The following EMILIN2 variants were observed in gnomAD, a reference collection of about 807,000 sequenced individuals.
The protein encoded by EMILIN2 is EMILIN-2.
Under a neutral mutation model 87.1 loss-of-function variants are expected in EMILIN2, and 71 were observed. The observed-to-expected ratio is 0.82, with a 90% confidence interval of 0.67 to 0.99. The LOEUF is 0.99. Among genes scored for constraint, EMILIN2 ranks in the 50% least tolerant of loss-of-function variants. EMILIN2 has a pLI of 0.00. For synonymous variants in EMILIN2, 581 were observed against 563.4 expected (o/e 1.03, Z -0.44); for missense variants, 1,407 against 1,371.8 (o/e 1.03, Z -0.40).
chr18:2,872,825 C>G (rs140731265), intron 2 of EMILIN2, among the ~76,000 whole-genome samples: 1 of 149,558 alleles, frequency 6.7e-6, no homozygotes, highest in African/African-American at 2.5e-5. Flanking sequence ...ATACTAAACA[C>G]ATAGGGAATT....
chr18:2,901,022 A>T (rs1314667358), intron 4 of EMILIN2, among the ~76,000 whole-genome samples: 3 of 152,244 alleles, frequency 2.0e-5, no homozygotes, highest in African/African-American at 7.2e-5. Context: ...ACAGTGTTTT[A>T]CAAATAGCGG....
At chr18:2,896,279 G>A (rs8098364) in intron 4 of EMILIN2, among the ~76,000 whole-genome samples, 44,859 of 151,784 alleles carry the variant, frequency 0.3, 7,369 homozygotes, top group African/African-American at 0.43. Flanking sequence ...GGGTTCAAGC[G>A]ATTCTCCTGC....
intron 4 of EMILIN2, among the ~76,000 whole-genome samples, chr18:2,893,289 C>T (rs75897721): frequency 0.015 from 2,234 of 152,200 alleles, 25 homozygotes; most frequent in South Asian, 0.023. Flanking sequence ...CTCCTACGTA[C>T]CTCTCTTCAA....
intron 2 of EMILIN2, among the ~76,000 whole-genome samples, chr18:2,864,811 T>C (rs1232717959): frequency 1.3e-5 from 2 of 152,186 alleles, no homozygotes; most frequent in Non-Finnish European, 2.9e-5. Context: ...CTGCAGAGTG[T>C]TTTCCAACTT....
At chr18:2,847,001 G>T, upstream of EMILIN2, 5 of 1,034,806 alleles carry the variant, frequency 4.8e-6, no homozygotes, top group Non-Finnish European at 5.8e-6. This position sits in a 1 kb window ranked among gnomAD's most constrained non-coding sequence, Gnocchi z 4.5. Context: ...GGCGCACGGG[G>T]CTGCAGAAGG....
At chr18:2,889,571 A>T (rs2076822666) in intron 3 of EMILIN2, among the ~76,000 whole-genome samples, 1 of 151,530 alleles carries the variant, frequency 6.6e-6, no homozygotes, top group South Asian at 2.1e-4. Context: ...ACTCATCACT[A>T]TCATTCCCCC....
rs746255473 is a variant in EMILIN2, at chr18:2,908,959, T to A, written c.2679T>A (p.Pro893=). 1.2e-6 allele frequency: 2 copies of A among 1,613,510 alleles called. No homozygotes were observed. Among genetic ancestry groups the A allele is most frequent in the South Asian group, 1.1e-5 (1 of 91,044 alleles). ...FAGAPGYPKS[P]PVASPGAPVP... is the part of the protein sequence containing the mutation. Reference sequence around the variant, plus strand: ...GTTTTTCAGGATACCCGAAGTCACCTCCTGTAGCTTCCCCAGGTATGTCTG... The same window carrying A: ...GTTTTTCAGGATACCCGAAGTCACCACCTGTAGCTTCCCCAGGTATGTCTG... The change falls in exon 6 of 8, where the codon CCT becomes CCA. Residue 893 remains proline (P), a synonymous_variant. Coordinates refer to ENST00000254528, the MANE Select transcript of EMILIN2 (RefSeq NM_032048.3).
chr18:2,900,195 C>T (rs7237811), intron 4 of EMILIN2, among the ~76,000 whole-genome samples: 48,849 of 151,574 alleles, frequency 0.32, 8,368 homozygotes, highest in East Asian at 0.54. Context: ...TTTATTTACT[C>T]ATTTATTTTT....
In EMILIN2 at chr18:2,915,261, CAG is replaced by C. The variant is rs2076961632; in HGVS notation, c.*1859_*1860del. The C allele has an allele frequency of 6.6e-6, 1 of 152,278 alleles. No individual in the cohort carries two copies. The allele number at this position is 152,278 out of a possible 1,614,324, so 9.4% of individuals were successfully genotyped here. On this transcript the variant is annotated 3_prime_UTR_variant, in exon 8 of 8. Transcript: ENST00000254528. ...CTCTGTGTATTCAAGACAGGCAAAA[CAG>C]AATATGCCTCATTATGGCTGGAGCG...
intron 4 of EMILIN2, among the ~76,000 whole-genome samples, chr18:2,896,786 G>A (rs900345254): frequency 2.6e-5 from 4 of 152,022 alleles, no homozygotes; most frequent in African/African-American, 9.7e-5. Context: ...TGGGAATTAC[G>A]GGCATGAGCC....
intron 4 of EMILIN2, among the ~76,000 whole-genome samples, chr18:2,905,758 A>G: frequency 7.3e-6 from 1 of 137,306 alleles, no homozygotes; most frequent in Admixed American, 7.3e-5. Context: ...GCGCTCCACT[A>G]CCCCGGGCTA....
rs542553862 is a variant in EMILIN2, at chr18:2,853,356, A to G, written c.257+5425A>G. Among the ~76,000 whole-genome samples, 36 of 152,192 alleles carry G rather than the reference A, an allele frequency of 2.4e-4. 1 individual carries two copies. The highest frequency in any genetic ancestry group is 7.7e-4 in the African/African-American group (32 of 41,526). The stretch of plus-strand genomic sequence containing the variant: ...CAGCGATCGCCCGTCAGTGTGGTGG[A>G]CGCAGCCTCTGAATCTGGACTCTCC... On this transcript the variant is annotated intron_variant, in intron 2 of 7. Transcript: ENST00000254528.
In EMILIN2 at chr18:2,892,128, C is replaced by A; in HGVS notation, c.2001C>A (p.Cys667Ter). 1 of 1,610,744 alleles carries A rather than the reference C, an allele frequency of 6.2e-7. No homozygotes were observed. Residue 667 changes from cysteine to a stop codon, truncating the protein, a stop_gained, in exon 4 of 8, where the codon TGC becomes TGA. Transcript: ENST00000254528. LOFTEE classifies it high-confidence loss of function. ...PSPQHPVAHC[C>*]SQLEERWQRL... ...CCCAGCACCCCGTGGCTCATTGCTG[C>A]AGTCAGCTGGAGGAGAGGTGGCAGA...
rs990252938 is a variant in EMILIN2, at chr18:2,892,399, C to G, written c.2272C>G (p.Leu758Val). The stretch of plus-strand genomic sequence containing the variant: ...GTCGCATTCCAGAGACATTTCTGGC[C>G]TGAAGAATTCAGTCCAGCAGTTCTA... ...LRSHSRDISG[L>V]KNSVQQFYSH... is the part of the protein sequence containing the mutation. Residue 758 changes from leucine (L) to valine (V), a missense_variant, in exon 4 of 8, where the codon CTG becomes GTG. Coordinates refer to ENST00000254528, the MANE Select transcript of EMILIN2 (RefSeq NM_032048.3). 6.2e-7 allele frequency: 1 copy of G among 1,613,916 alleles called. No individual in the cohort carries two copies. Among genetic ancestry groups the G allele is most frequent in the African/African-American group, 1.3e-5 (1 of 74,912 alleles).
chr18:2,881,253 G>A (rs2076775569), intron 2 of EMILIN2, among the ~76,000 whole-genome samples: 1 of 152,192 alleles, frequency 6.6e-6, no homozygotes. Flanking sequence ...GCAGGAGGTG[G>A]CTGCTGATGG....
chr18:2,868,666 CGCGCCTGCAATCGCAG>C (rs2037085958), intron 2 of EMILIN2, among the ~76,000 whole-genome samples: 1 of 152,252 alleles, frequency 6.6e-6, no homozygotes, highest in South Asian at 2.1e-4. Flanking sequence ...CGTGGGGGCG[CGCGCCTGCAATCGCAG>C]GCACTCGGCA....
rs2076577630 is a variant in EMILIN2, at chr18:2,847,046, C to A, written c.-143C>A. 9.4e-7 allele frequency: 1 copy of A among 1,061,652 alleles called. No homozygotes were observed. Among genetic ancestry groups the A allele is most frequent in the South Asian group, 2.5e-5 (1 of 39,614 alleles). 65.8% of individuals were successfully genotyped at this position (1,061,652 alleles called of 1,614,324 possible). ...AACGAGAAGCCGGAGGGGGCGGCCG[C>A]GGAGCACTGGTTGGAGCGCCGCGAA... is the stretch of plus-strand genomic sequence containing the variant. On this transcript the variant is annotated 5_prime_UTR_variant, in exon 1 of 8. Transcript: ENST00000254528. The surrounding 1 kb of genome is among the most constrained non-coding windows in gnomAD (Gnocchi z 4.5).
chr18:2,909,310 GATTT>G (rs750652178), intron 6 of EMILIN2, among the ~76,000 whole-genome samples: 7 of 152,222 alleles, frequency 4.6e-5, no homozygotes, highest in South Asian at 2.1e-4. Context: ...AGGTTTTACT[GATTT>G]ATTAGTAAGG....
At position 2,913,644 on chromosome 18, in the gene EMILIN2, G is replaced by T; in HGVS notation, c.*240G>T. The T allele has an allele frequency of 1.9e-4, 64 of 341,906 alleles. No individual in the cohort carries two copies. Among genetic ancestry groups the T allele is most frequent in the Middle Eastern group, 7.6e-4 (1 of 1,320 alleles). 21.2% of individuals were successfully genotyped at this position (341,906 alleles called of 1,614,324 possible). A position where few individuals can be genotyped will look rare whatever the true frequency, so the allele number is the denominator to read the frequency against. On this transcript the variant is annotated 3_prime_UTR_variant, in exon 8 of 8. Transcript: ENST00000254528. Reference sequence around the variant, plus strand: ...TGCCACTCTAACTGGACAACTGGAAGACTTGGAAAGGCCTCCACCTGTATC... The same window carrying T: ...TGCCACTCTAACTGGACAACTGGAATACTTGGAAAGGCCTCCACCTGTATC...
Sources: allele counts gnomAD v4.1 joint callset (sites outside exome capture counted in the v4.1 genomes callset), GRCh38; gene constraint gnomAD v4.1.1; non-coding constraint Gnocchi (gnomAD v3.1); transcripts MANE v1.5; gene names NCBI Gene and HGNC (gene_info 2026-07-23, HGNC 2026-07-21).